Variants in DDB2 observed in about 807,000 individuals in gnomAD.
DDB2 encodes damage specific DNA binding protein 2, also known as DNA damage-binding protein 2.
A neutral mutation model predicts 50.5 loss-of-function variants in DDB2; 27 were observed. The ratio of observed to expected loss-of-function variants is 0.53; its 90% CI spans 0.39 to 0.74. DDB2 has a LOEUF of 0.74. DDB2 is among the 30% of genes least tolerant of loss of function. The probability of loss-of-function intolerance (pLI) is 0.00; values close to 1 mark genes in which losing one functional copy is unlikely to be tolerated. For synonymous variants in DDB2, 176 were observed against 205.5 expected, an observed-to-expected ratio of 0.86 and a Z score of 1.23; for missense variants, 424 against 545.6, an observed-to-expected ratio of 0.78 and a Z score of 2.22.
chr11:47,238,909 C>T lies in DDB2; in HGVS notation c.*60C>T. 1 of 1,582,786 alleles carries T rather than the reference C, an allele frequency of 6.3e-7. No homozygotes were observed. The highest frequency in any genetic ancestry group is 8.7e-7 in the Non-Finnish European group (1 of 1,155,136). On this transcript the variant is annotated 3_prime_UTR_variant, in exon 10 of 10. Coordinates refer to ENST00000256996, the MANE Select transcript of DDB2 (RefSeq NM_000107.3). ...TTGGAGCCCACACATGGGATCAAGT[C>T]CTGCAAGCAGAGGTGGCGATTTGTT... is the stretch of plus-strand genomic sequence containing the variant.
chr11:47,231,635 A>G (rs1319341324), intron 3 of DDB2, among the ~76,000 whole-genome samples: 1 of 152,032 alleles, frequency 6.6e-6, no homozygotes, highest in Non-Finnish European at 1.5e-5. Flanking sequence ...TCATCTTCCC[A>G]CCTCAGCCTT....
At chr11:47,222,654 C>G (rs926566261) in intron 3 of DDB2, among the ~76,000 whole-genome samples, 1 of 152,198 alleles carries the variant, frequency 6.6e-6, no homozygotes, top group African/African-American at 2.4e-5. Flanking sequence ...CCACATTGTA[C>G]TGATATGATA....
chr11:47,223,464 C>T (rs937381469), intron 3 of DDB2, among the ~76,000 whole-genome samples: 7 of 150,798 alleles, frequency 4.6e-5, no homozygotes, highest in African/African-American at 1.7e-4. Context: ...TTCTGGGTGA[C>T]AGAGCAAGAC....
At chr11:47,222,137 T>G (rs1953494550) in intron 3 of DDB2, among the ~76,000 whole-genome samples, 1 of 152,342 alleles carries the variant, frequency 6.6e-6, no homozygotes, top group Non-Finnish European at 1.5e-5. Context: ...GAGTTATCTA[T>G]GCCCCTTTGT....
intron 3 of DDB2, among the ~76,000 whole-genome samples, chr11:47,225,267 A>C (rs1045317116): frequency 2.6e-5 from 4 of 151,920 alleles, no homozygotes; most frequent in Middle Eastern, 3.4e-3. Context: ...AAAAAAAAAA[A>C]AAAACTCTAA....
At chr11:47,218,043 C>T (rs1417227593) in intron 3 of DDB2, among the ~76,000 whole-genome samples, 1 of 152,158 alleles carries the variant, frequency 6.6e-6, no homozygotes, top group Non-Finnish European at 1.5e-5. Context: ...TGCTTTTCCC[C>T]CATGGTCTTC....
rs151146343 is a variant in DDB2, at chr11:47,234,791, C to A, written c.737C>A (p.Thr246Lys). 10 of 1,614,074 alleles carry A rather than the reference C, an allele frequency of 6.2e-6. No individual in the cohort carries two copies. The highest frequency in any genetic ancestry group is 8.5e-6 in the Non-Finnish European group (10 of 1,180,038). Residue 246 changes from threonine (T) to lysine (K), a missense_variant, in exon 6 of 10, where the codon ACG becomes AAG. Transcript: ENST00000256996. ...CTCAGAATGCACAAAAAGAAAGTGACGCATGTGGCCCTGAACCCATGCTGT... is the reference window on the plus strand; with the variant it reads ...CTCAGAATGCACAAAAAGAAAGTGAAGCATGTGGCCCTGAACCCATGCTGT... ...WNLRMHKKKV[T>K]HVALNPCCDW...
chr11:47,216,167 A>C (rs1590987941), intron 1 of DDB2, 169 bp from the exon 2 acceptor site: 1 of 1,016,792 alleles, frequency 9.8e-7, no homozygotes, highest in East Asian at 2.4e-5. Context: ...ATCCTCACTC[A>C]TTTTTTTATT....
intron 3 of DDB2, among the ~76,000 whole-genome samples, chr11:47,227,784 A>G (rs1953581995): frequency 6.6e-6 from 1 of 152,158 alleles, no homozygotes; most frequent in Non-Finnish European, 1.5e-5. Context: ...ATATTTTAAG[A>G]TCTTTGCATT....
At chr11:47,226,736 T>C (rs1447766321) in intron 3 of DDB2, among the ~76,000 whole-genome samples, 10 of 2,486 alleles carry the variant, frequency 4.0e-3, no homozygotes, top group African/African-American at 7.7e-3. Flanking sequence ...TCCTTTGCCT[T>C]TTTTTTTTTT....
Position 47,237,907 on chromosome 11 carries a change from C to A in DDB2, c.1094C>A (p.Thr365Asn), listed in dbSNP as rs1218999718. ...CCAGATCCTAATTTCAAAAGTTGTA[C>A]CCCTTATGAATTGAGGACGATCGAC... ...RYPDPNFKSC[T>N]PYELRTIDVF... is the part of the protein sequence containing the mutation. The change falls in exon 8 of 10, where the codon ACC (threonine) becomes AAC (asparagine). Residue 365 changes from threonine to asparagine, a missense_variant. Physicochemically the swap from Thr to Asn is moderately conservative, Grantham distance 65. Transcript: ENST00000256996. 7 of 1,614,096 alleles carry A rather than the reference C, an allele frequency of 4.3e-6. No individual in the cohort carries two copies. The highest frequency in any genetic ancestry group is 1.7e-5 in the Admixed American group (1 of 60,008).
chr11:47,217,777 G>T lies in DDB2; in HGVS notation c.456+728G>T, dbSNP rs1953422786. On this transcript the variant is annotated intron_variant, in intron 3 of 9. Transcript: ENST00000256996. ...GTGGTGGTGTGCGCCTGTAGTCCCA[G>T]CTACTTGGGACACTGAGGCAGGAGA... is the stretch of plus-strand genomic sequence containing the variant. Among the ~76,000 whole-genome samples, 3 of 152,070 alleles carry T rather than the reference G, an allele frequency of 2.0e-5. 1 individual carries two copies.
intron 9 of DDB2, 104 bp downstream of exon 9, chr11:47,238,287 A>AG: frequency 9.7e-7 from 1 of 1,028,234 alleles, no homozygotes; most frequent in Non-Finnish European, 1.5e-6. Context: ...ACCCCAGGGC[A>AG]GTGGCCCACG....
chr11:47,227,826 G>T (rs569687036), intron 3 of DDB2, among the ~76,000 whole-genome samples: 8 of 152,076 alleles, frequency 5.3e-5, no homozygotes, highest in Admixed American at 2.6e-4. Flanking sequence ...CCAAATCCTT[G>T]TCACATTTGT....
intron 2 of DDB2, 61 bp from the exon 3 acceptor site, chr11:47,216,797 A>G: frequency 6.5e-7 from 1 of 1,547,842 alleles, no homozygotes; most frequent in Non-Finnish European, 8.9e-7. Context: ...GGAGGCAGAG[A>G]TTGGCAGTTT....
Position 47,238,989 on chromosome 11 carries a change from GCACTGTGGGACTGGGA to G in DDB2, c.*145_*160del. On this transcript the variant is annotated 3_prime_UTR_variant, in exon 10 of 10. Coordinates refer to ENST00000256996, the MANE Select transcript of DDB2 (RefSeq NM_000107.3). ...TGGAGCAGGGGTGCTGGGACCTGGGGCACTGTGGGACTGGGACACTTTTATGTTAATGCTCTGGACT... is the reference window on the plus strand; with the variant it reads ...TGGAGCAGGGGTGCTGGGACCTGGGGCACTTTTATGTTAATGCTCTGGACT... 1.2e-6 allele frequency: 1 copy of G among 830,500 alleles called. No homozygotes were observed. Among genetic ancestry groups the G allele is most frequent in the South Asian group, 1.5e-5 (1 of 66,366 alleles). The allele number at this position is 830,500 out of a possible 1,614,324, so 51.4% of individuals were successfully genotyped here.
intron 7 of DDB2, among the ~76,000 whole-genome samples, chr11:47,237,318 C>A (rs189836815): frequency 6.6e-6 from 1 of 152,228 alleles, no homozygotes; most frequent in African/African-American, 2.4e-5. Flanking sequence ...GCCAGGGAGG[C>A]CAGCTAGGGA....
chr11:47,219,355 CTTCA>C (rs1209656472), intron 3 of DDB2, among the ~76,000 whole-genome samples: 1 of 151,396 alleles, frequency 6.6e-6, no homozygotes, highest in East Asian at 2.0e-4. Context: ...GTCTCCAGAA[CTTCA>C]TTATTTTTTT....
intron 3 of DDB2, among the ~76,000 whole-genome samples, chr11:47,225,411 T>A (rs1318123018): frequency 1.3e-5 from 2 of 151,432 alleles, no homozygotes; most frequent in African/African-American, 2.4e-5. Flanking sequence ...GCCAACATGG[T>A]GAAACCCCGT....
Sources: gnomAD v4.1 joint callset for allele counts (sites outside exome capture counted in the v4.1 genomes callset) on GRCh38, gnomAD v4.1.1 for gene constraint, MANE v1.5 for transcripts, NCBI Gene and HGNC (gene_info 2026-07-23, HGNC 2026-07-21) for gene names.